Variants in PGCKA1 observed in about 807,000 individuals in gnomAD.
PGCKA1 encodes PDCD10 and GCKIII kinases-associated protein 1.
the PGCKA1 span, among the ~76,000 whole-genome samples, chr4:37,536,394 A>G: frequency 6.6e-6 from 1 of 152,086 alleles, no homozygotes. Flanking sequence ...TTTATCTGAC[A>G]GTTTCTGTAG....
chr4:37,509,094 G>A, the PGCKA1 span, among the ~76,000 whole-genome samples: 2 of 150,840 alleles, frequency 1.3e-5, no homozygotes, highest in East Asian at 2.0e-4. Context: ...CACAGACACA[G>A]CAACAATCTG....
chr4:37,590,995 G>T, the PGCKA1 span: 2 of 1,604,702 alleles, frequency 1.2e-6, no homozygotes, highest in South Asian at 1.1e-5. Flanking sequence ...GGATGAGACT[G>T]ATTAGGGGAG....
At chr4:37,567,480 G>A in the PGCKA1 span, among the ~76,000 whole-genome samples, 9 of 152,274 alleles carry the variant, frequency 5.9e-5, no homozygotes, top group African/African-American at 2.2e-4. Flanking sequence ...TGAAACTCAC[G>A]GAGGGGAAGA....
the PGCKA1 span, among the ~76,000 whole-genome samples, chr4:37,500,963 T>G: frequency 5.1e-4 from 78 of 152,332 alleles, no homozygotes; most frequent in Non-Finnish European, 1.0e-3. Context: ...TTTCATTTGC[T>G]TGGTAGATTT....
the PGCKA1 span, among the ~76,000 whole-genome samples, chr4:37,468,895 A>C: frequency 1.3e-5 from 2 of 152,206 alleles, no homozygotes; most frequent in African/African-American, 4.8e-5. Context: ...AAAATTCGGA[A>C]AAAACGTTAA....
chr4:37,531,798 A>G, the PGCKA1 span, among the ~76,000 whole-genome samples: 3 of 150,022 alleles, frequency 2.0e-5, no homozygotes, highest in East Asian at 6.0e-4. Context: ...AGGCTGAGGC[A>G]GGAGAATGAC....
chr4:37,481,223 G>T, the PGCKA1 span, among the ~76,000 whole-genome samples: 2 of 151,840 alleles, frequency 1.3e-5, no homozygotes, highest in Admixed American at 1.3e-4. Context: ...TGTGTTAGTC[G>T]GCTAGGGCCG....
the PGCKA1 span, among the ~76,000 whole-genome samples, chr4:37,584,906 G>A: frequency 6.6e-6 from 1 of 151,626 alleles, no homozygotes; most frequent in Non-Finnish European, 1.5e-5. Flanking sequence ...ATGTTTCAAT[G>A]AGTAATGTTT....
chr4:37,530,095 C>G, the PGCKA1 span, among the ~76,000 whole-genome samples: 12 of 152,192 alleles, frequency 7.9e-5, no homozygotes, highest in African/African-American at 2.9e-4. Flanking sequence ...TATCTTCCAT[C>G]TAAACAGGAT....
At chr4:37,529,249 T>C in the PGCKA1 span, among the ~76,000 whole-genome samples, 1 of 152,236 alleles carries the variant, frequency 6.6e-6, no homozygotes, top group Non-Finnish European at 1.5e-5. Flanking sequence ...TATTGAATTG[T>C]CTTCAATAAT....
At chr4:37,523,527 G>T in the PGCKA1 span, among the ~76,000 whole-genome samples, 8 of 152,034 alleles carry the variant, frequency 5.3e-5, no homozygotes, top group Non-Finnish European at 1.0e-4. Flanking sequence ...CTGTAGGGAG[G>T]GATGACTGTT....
At chr4:37,508,526 A>AT in the PGCKA1 span, among the ~76,000 whole-genome samples, 76,584 of 151,264 alleles carry the variant, frequency 0.51, 19,677 homozygotes, top group African/African-American at 0.58. Flanking sequence ...TGTTGGTTGC[A>AT]TTTTTTTATT....
At chr4:37,555,581 G>A in the PGCKA1 span, among the ~76,000 whole-genome samples, 48 of 152,278 alleles carry the variant, frequency 3.2e-4, no homozygotes, top group Admixed American at 2.7e-3. Flanking sequence ...TATGGGTCTG[G>A]TGCTTAGGAG....
the PGCKA1 span, among the ~76,000 whole-genome samples, chr4:37,553,628 A>G: frequency 1.3e-5 from 2 of 152,230 alleles, no homozygotes; most frequent in African/African-American, 4.8e-5. Context: ...ATGATGTGCC[A>G]ATGATTGCTA....
chr4:37,545,091 A>G, the PGCKA1 span, among the ~76,000 whole-genome samples: 1 of 152,022 alleles, frequency 6.6e-6, no homozygotes, highest in African/African-American at 2.4e-5. Flanking sequence ...CCTGACCTCA[A>G]GTGATCCACG....
At chr4:37,564,043 C>T in the PGCKA1 span, among the ~76,000 whole-genome samples, 12 of 152,170 alleles carry the variant, frequency 7.9e-5, no homozygotes, top group South Asian at 6.2e-4. Flanking sequence ...GAGGCTGGGA[C>T]GGGTGGATCA....
chr4:37,560,139 C>A, the PGCKA1 span, among the ~76,000 whole-genome samples: 7 of 152,196 alleles, frequency 4.6e-5, no homozygotes, highest in African/African-American at 1.7e-4. Flanking sequence ...TGGACCATGT[C>A]CTTCATTGTA....
chr4:37,520,942 T>G, the PGCKA1 span, among the ~76,000 whole-genome samples: 40 of 152,244 alleles, frequency 2.6e-4, no homozygotes, highest in Admixed American at 2.6e-3. Flanking sequence ...TTTTATTTAT[T>G]TGGGTATTCT....
chr4:37,547,430 A>G, the PGCKA1 span, among the ~76,000 whole-genome samples: 1 of 152,166 alleles, frequency 6.6e-6, no homozygotes, highest in Non-Finnish European at 1.5e-5. Context: ...TCAAAGAAGC[A>G]TAGGTCAGGC....
Sources: gnomAD v4.1 joint callset for allele counts (sites outside exome capture counted in the v4.1 genomes callset) on GRCh38, gnomAD v4.1.1 for gene constraint, MANE v1.5 for transcripts, NCBI Gene and HGNC (gene_info 2026-07-23, HGNC 2026-07-21) for gene names.